SLITRK3: variants seen among roughly 807,000 people sequenced by gnomAD.
The protein encoded by SLITRK3 is SLIT and NTRK-like protein 3.
In SLITRK3, 16 loss-of-function variants were observed where a neutral mutation model predicts 63.6. That is an observed-to-expected ratio of 0.25 (90% CI 0.17 to 0.38). The LOEUF (loss-of-function observed/expected upper bound fraction) is 0.38, where lower values mean the gene tolerates loss of function less well. Among genes scored for constraint, SLITRK3 ranks in the 10% least tolerant of loss-of-function variants. The pLI is 1.00. For synonymous variants in SLITRK3, 547 were observed against 451.6 expected, an observed-to-expected ratio of 1.21 and a Z score of -2.68; for missense variants, 1,117 against 1,181.4, an observed-to-expected ratio of 0.95 and a Z score of 0.80.
rs367871597 is a variant in SLITRK3, at chr3:165,189,028, A to G, written c.1803T>C (p.Asp601=). 396 of 1,614,186 alleles carry G rather than the reference A, an allele frequency of 2.5e-4. No individual in the cohort carries two copies. Among genetic ancestry groups the G allele is most frequent in the Non-Finnish European group, 3.2e-4 (376 of 1,180,046 alleles). Residue 601 remains aspartate, a synonymous_variant, in exon 2 of 2, where the codon GAT becomes GAC. Transcript: ENST00000475390. This position sits in a 1 kb window ranked among gnomAD's most constrained non-coding sequence, Gnocchi z 4.0. ...CRSPENLTHR[D]VRTIELEVLC... is the part of the protein sequence containing the mutation. ...GAACTTCCAGCTCAATAGTGCGCAC[A>G]TCACGGTGCGTGAGGTTCTCAGGGC...
Position 165,190,013 on chromosome 3 carries a change from C to G in SLITRK3, c.818G>C (p.Arg273Pro), listed in dbSNP as rs748255702. 1 of 1,613,966 alleles carries G rather than the reference C, an allele frequency of 6.2e-7. No individual in the cohort carries two copies. Residue 273 changes from arginine (R) to proline (P), a missense_variant, in exon 2 of 2, where the codon CGA (arginine) becomes CCA (proline). Physicochemically the swap from Arg to Pro is moderately radical, Grantham distance 103. Around this residue, in one of 4 missense-constraint regions of SLITRK3, gnomAD observed 452 missense variants for 495.3 expected, o/e 0.91. Transcript: ENST00000475390. The part of the protein sequence containing the change: ...TPFHFHGKDL[R>P]EIRKTELCPL... ...ACAGAGTTCTGTCTTCCTGATTTCTCGTAGGTCCTTTCCATGGAAGTGGAA... is the reference window on the plus strand; with the variant it reads ...ACAGAGTTCTGTCTTCCTGATTTCTGGTAGGTCCTTTCCATGGAAGTGGAA...
At chr3:165,196,794 A>G (rs1326289209), upstream of SLITRK3, 3 of 151,424 alleles carry the variant, frequency 2.0e-5, no homozygotes, top group South Asian at 2.1e-4. Flanking sequence ...CTCCGCGCCA[A>G]CTGTGTAAAT....
At chr3:165,196,901 C>CTCTCTCTCTCTG (rs1560057581), upstream of SLITRK3, 3 of 141,240 alleles carry the variant, frequency 2.1e-5, no homozygotes, top group African/African-American at 7.8e-5. Context: ...CTCTCTGTCT[C>CTCTCTCTCTCTG]TCTCTCTCTC....
Position 165,188,556 on chromosome 3 carries a change from G to A in SLITRK3, c.2275C>T (p.Arg759Cys). The A allele has an allele frequency of 6.2e-7, 1 of 1,613,976 alleles. No individual in the cohort carries two copies. The highest frequency in any genetic ancestry group is 8.5e-7 in the Non-Finnish European group (1 of 1,180,008). The change falls in exon 2 of 2, where the codon CGT (arginine) becomes TGT (cysteine). Residue 759 changes from arginine to cysteine, a missense_variant. Coordinates refer to ENST00000475390, the MANE Select transcript of SLITRK3 (RefSeq NM_001318810.2). ...QMCNNPIYKPREEEEVAVSSA... is the reference protein window; with the variant it reads ...QMCNNPIYKPCEEEEVAVSSA... ...GAAACAGCCACCTCCTCCTCCTCAC[G>A]AGGCTTGTAGATGGGGTTGTTGCAC...
Position 165,189,341 on chromosome 3 carries a change from G to C in SLITRK3, c.1490C>G (p.Pro497Arg), listed in dbSNP as rs908624999. The change falls in exon 2 of 2, where the codon CCT becomes CGT. Residue 497 changes from proline (P) to arginine (R), a missense_variant. Transcript: ENST00000475390. This position sits in a 1 kb window ranked among gnomAD's most constrained non-coding sequence, Gnocchi z 4.0. Reference sequence around the variant, plus strand: ...GTTGGGCATGAGGCTGAAGGCTGCAGGCTGGATTTCCCGGATGACATTGAA... The same window carrying C: ...GTTGGGCATGAGGCTGAAGGCTGCACGCTGGATTTCCCGGATGACATTGAA... ...FEFNVIREIQPAAFSLMPNLK... is the reference protein window; with the variant it reads ...FEFNVIREIQRAAFSLMPNLK... The C allele has an allele frequency of 1.1e-5, 18 of 1,614,098 alleles. No homozygotes were observed. The highest frequency in any genetic ancestry group is 1.5e-5 in the Non-Finnish European group (18 of 1,180,044).
chr3:165,196,637 C>A, upstream of SLITRK3: 1 of 152,490 alleles, frequency 6.6e-6, no homozygotes, highest in South Asian at 2.0e-4. Context: ...TATAAGGAGT[C>A]AATATAGGAA....
At chr3:165,191,534 T>G (rs1476144650) in intron 1 of SLITRK3, among the ~76,000 whole-genome samples, 1 of 152,214 alleles carries the variant, frequency 6.6e-6, no homozygotes, top group Admixed American at 6.5e-5. Flanking sequence ...CAATAATACA[T>G]TATTGTCATC....
rs2108205866 is a variant in SLITRK3 at position 165,187,943 on chromosome 3, T to A, written c.2888A>T (p.Lys963Met). 8.7e-6 allele frequency: 14 copies of A among 1,614,076 alleles called. No individual in the cohort carries two copies. Among genetic ancestry groups the A allele is most frequent in the Non-Finnish European group, 1.0e-5 (12 of 1,180,002 alleles). The change falls in exon 2 of 2, where the codon AAG becomes ATG. Residue 963 changes from lysine (K) to methionine (M), a missense_variant. This residue lies in a region of SLITRK3 where 499 missense variants were observed against 463.6 expected (regional missense o/e 1.08). Coordinates refer to ENST00000475390, the MANE Select transcript of SLITRK3 (RefSeq NM_001318810.2). Reference sequence around the variant, plus strand: ...CTCCAGGACTTCGAGGTAATCCGGCTTGGTTTGAAGTTTGGCCCTTAACTC... The same window carrying A: ...CTCCAGGACTTCGAGGTAATCCGGCATGGTTTGAAGTTTGGCCCTTAACTC... ...YLELRAKLQTKPDYLEVLEKT... is the reference protein window; with the variant it reads ...YLELRAKLQTMPDYLEVLEKT...
Position 165,187,514 on chromosome 3 carries a change from AAT to A in SLITRK3, c.*381_*382del, listed in dbSNP as rs1468927337. 5 of 163,970 alleles carry A rather than the reference AAT, an allele frequency of 3.0e-5. No homozygotes were observed. Among genetic ancestry groups the A allele is most frequent in the Non-Finnish European group, 5.3e-5 (4 of 75,946 alleles). 10.2% of individuals were successfully genotyped at this position (163,970 alleles called of 1,614,324 possible). On this transcript the variant is annotated 3_prime_UTR_variant, in exon 2 of 2. Transcript: ENST00000475390. ...AAATCAAAACTACAACTATAAAAAA[AAT>A]AGTTACTGAAAATAAAAAGACACAT...
intron 1 of SLITRK3, among the ~76,000 whole-genome samples, chr3:165,192,632 T>C (rs1054488337): frequency 1.3e-5 from 2 of 151,540 alleles, no homozygotes; most frequent in African/African-American, 4.8e-5. Flanking sequence ...TCCCCCTCCC[T>C]TTGCTTTGCT....
At position 165,196,255 on chromosome 3, in the gene SLITRK3, AAAG is replaced by A. The variant is rs1223615733; in HGVS notation, c.-700_-698del. Among the ~76,000 whole-genome samples, 1 of 145,728 alleles carries A rather than the reference AAAG, an allele frequency of 6.9e-6. No homozygotes were observed. Among genetic ancestry groups the A allele is most frequent in the Non-Finnish European group, 1.5e-5 (1 of 66,268 alleles). On this transcript the variant is annotated 5_prime_UTR_variant, in exon 1 of 2. Transcript: ENST00000475390. Reference sequence around the variant, plus strand: ...TTGGTCAGACGGCGAAGGTGGGGGGAAAGAAGGAGAGGGGGAGAGAAGATACAA... The same window carrying A: ...TTGGTCAGACGGCGAAGGTGGGGGGAAAGGAGAGGGGGAGAGAAGATACAA...
rs1718397691 is a variant in SLITRK3 at position 165,195,879 on chromosome 3, G to T, written c.-321C>A. 2 of 152,690 alleles carry T rather than the reference G, an allele frequency of 1.3e-5. No individual in the cohort carries two copies. Among genetic ancestry groups the T allele is most frequent in the South Asian group, 2.1e-4 (1 of 4,836 alleles). The allele number at this position is 152,690 out of a possible 1,614,324, so 9.5% of individuals were successfully genotyped here. The stretch of plus-strand genomic sequence containing the variant: ...GACCACAGCTCCCTATGCCCTCGAT[G>T]GTTGGTAGGCAGGCAGGCAGAGTGA... On this transcript the variant is annotated 5_prime_UTR_variant, in exon 1 of 2. Coordinates refer to ENST00000475390, the MANE Select transcript of SLITRK3 (RefSeq NM_001318810.2).
rs1187928560 is a variant in SLITRK3 at position 165,188,679 on chromosome 3, C to T, written c.2152G>A (p.Gly718Arg). ...LFEDGGGGGGGSGGGGRPTLS... is the reference protein window; with the variant it reads ...LFEDGGGGGGRSGGGGRPTLS... ...GTTGGTCGACCACCACCCCCACTTC[C>T]GCCACCACCACCTCCACCATCCTCA... The change falls in exon 2 of 2, where the codon GGA becomes AGA. Residue 718 changes from glycine (G) to arginine (R), a missense_variant. By Grantham distance (125) the Gly-to-Arg change is moderately radical. Around this residue, in one of 4 missense-constraint regions of SLITRK3, gnomAD observed 499 missense variants for 463.6 expected, o/e 1.08. Transcript: ENST00000475390. 9.3e-6 allele frequency: 15 copies of T among 1,613,872 alleles called. No individual in the cohort carries two copies. Among genetic ancestry groups the T allele is most frequent in the Admixed American group, 5.0e-5 (3 of 59,988 alleles).
chr3:165,187,961 C>T lies in SLITRK3; in HGVS notation c.2870G>A (p.Arg957Lys). Residue 957 changes from arginine to lysine, a missense_variant, in exon 2 of 2, where the codon AGG becomes AAG. Physicochemically the swap from Arg to Lys is conservative, Grantham distance 26 (BLOSUM62 2). This residue lies in a region of SLITRK3 where 499 missense variants were observed against 463.6 expected (regional missense o/e 1.08). Coordinates refer to ENST00000475390, the MANE Select transcript of SLITRK3 (RefSeq NM_001318810.2). ...QTQKSDYLEL[R>K]AKLQTKPDYL... ...ATCCGGCTTGGTTTGAAGTTTGGCC[C>T]TTAACTCGAGGTAATCACTTTTTTG... 1.2e-6 allele frequency: 2 copies of T among 1,613,862 alleles called. No homozygotes were observed. The highest frequency in any genetic ancestry group is 2.2e-5 in the East Asian group (1 of 44,870).
intron 1 of SLITRK3, among the ~76,000 whole-genome samples, chr3:165,193,889 G>T (rs532654244): frequency 2.5e-3 from 385 of 152,282 alleles, no homozygotes; most frequent in African/African-American, 8.9e-3. Context: ...AGTAGTGGGA[G>T]TGGGGGTGGA....
intron 1 of SLITRK3, among the ~76,000 whole-genome samples, chr3:165,193,590 G>T (rs999233190): frequency 6.6e-6 from 1 of 151,984 alleles, no homozygotes; most frequent in South Asian, 2.1e-4. Context: ...CTTCGATCCC[G>T]TTGCACCAGG....
Position 165,190,152 on chromosome 3 carries a change from G to T in SLITRK3, c.679C>A (p.Leu227Ile). ...TTCCAAGGGTTTTCTTCCAGCTGGAGCTCCATCAGGCTTCTGCCAATGTGA... is the reference window on the plus strand; with the variant it reads ...TTCCAAGGGTTTTCTTCCAGCTGGATCTCCATCAGGCTTCTGCCAATGTGA... ...LDHIGRSLME[L>I]QLEENPWNCT... Residue 227 changes from leucine to isoleucine, a missense_variant, in exon 2 of 2, where the codon CTC (leucine) becomes ATC (isoleucine). By Grantham distance (5) the Leu-to-Ile change is conservative. Coordinates refer to ENST00000475390, the MANE Select transcript of SLITRK3 (RefSeq NM_001318810.2). 8 of 1,614,168 alleles carry T rather than the reference G, an allele frequency of 5.0e-6. No individual in the cohort carries two copies. Among genetic ancestry groups the T allele is most frequent in the Non-Finnish European group, 5.1e-6 (6 of 1,180,030 alleles).
rs1465069435 is a variant in SLITRK3 at position 165,188,899 on chromosome 3, A to C, written c.1932T>G (p.Phe644Leu). 1 of 1,614,054 alleles carries C rather than the reference A, an allele frequency of 6.2e-7. No homozygotes were observed. The highest frequency in any genetic ancestry group is 1.3e-5 in the African/African-American group (1 of 74,930). ...GAPTSASPYE[F>L]SPPGGPVPLS... ...GTGGCACAGGGCCCCCAGGAGGAGA[A>C]AACTCATAAGGTGATGCACTGGTTG... Residue 644 changes from phenylalanine (F) to leucine (L), a missense_variant, in exon 2 of 2, where the codon TTT (phenylalanine) becomes TTG (leucine). Physicochemically the swap from Phe to Leu is conservative, Grantham distance 22. Around this residue, in one of 4 missense-constraint regions of SLITRK3, gnomAD observed 499 missense variants for 463.6 expected, o/e 1.08. Transcript: ENST00000475390.
At position 165,188,363 on chromosome 3, in the gene SLITRK3, G is replaced by A; in HGVS notation, c.2468C>T (p.Ser823Phe). 1 of 1,613,980 alleles carries A rather than the reference G, an allele frequency of 6.2e-7. No individual in the cohort carries two copies. The change falls in exon 2 of 2, where the codon TCC becomes TTC. Residue 823 changes from serine (S) to phenylalanine (F), a missense_variant. This residue lies in a region of SLITRK3 where 499 missense variants were observed against 463.6 expected (regional missense o/e 1.08). Transcript: ENST00000475390. ...EKEKEWALAV[S>F]SSQLNTIVTV... Reference sequence around the variant, plus strand: ...CACTATGGTGTTAAGCTGGGAGCTGGACACTGCTAGGGCCCACTCCTTCTC... The same window carrying A: ...CACTATGGTGTTAAGCTGGGAGCTGAACACTGCTAGGGCCCACTCCTTCTC...
Sources: allele counts gnomAD v4.1 joint callset (sites outside exome capture counted in the v4.1 genomes callset), GRCh38; gene constraint gnomAD v4.1.1; regional missense constraint gnomAD v4.1.1; non-coding constraint Gnocchi (gnomAD v3.1); transcripts MANE v1.5; gene names NCBI Gene and HGNC (gene_info 2026-07-23, HGNC 2026-07-21).